CGNL1: variants seen among roughly 807,000 people sequenced by gnomAD.
CGNL1 encodes cingulin-like protein 1.
CGNL1 carries 132 observed loss-of-function variants against 141.2 expected under a neutral mutation model. The ratio of observed to expected loss-of-function variants is 0.93; its 90% CI spans 0.81 to 1.08. The LOEUF is 1.08. CGNL1 is among the 50% of genes least tolerant of loss of function. CGNL1 has a pLI of 0.00. For missense variants in CGNL1, 1,870 were observed against 1,588.6 expected, an observed-to-expected ratio of 1.18 and a Z score of -3.01; for synonymous variants, 690 against 622.1, an observed-to-expected ratio of 1.11 and a Z score of -1.63.
chr15:57,492,225 A>G (rs2063874949), intron 8 of CGNL1, among the ~76,000 whole-genome samples: 1 of 152,182 alleles, frequency 6.6e-6, no homozygotes, highest in South Asian at 2.1e-4. Flanking sequence ...TGGCAATAGG[A>G]GGCACATCTT....
chr15:57,423,728 C>T (rs1475296021), intron 1 of CGNL1, among the ~76,000 whole-genome samples: 4 of 152,198 alleles, frequency 2.6e-5, no homozygotes, highest in South Asian at 2.1e-4. Context: ...TCCCCCTGGT[C>T]GCTCCTTCTC....
intron 7 of CGNL1, 74 bp from the exon 8 acceptor site, chr15:57,461,606 C>G: frequency 7.8e-7 from 1 of 1,280,052 alleles, no homozygotes; most frequent in Non-Finnish European, 1.1e-6. Flanking sequence ...GGGGACTGAA[C>G]TGGAGGGGAG....
intron 2 of CGNL1, 21 bp from the exon 3 acceptor site, chr15:57,440,356 A>T: frequency 6.4e-7 from 1 of 1,571,066 alleles, no homozygotes; most frequent in Non-Finnish European, 8.7e-7. Flanking sequence ...TCATGGTCTA[A>T]CAACAGGCCT....
intron 1 of CGNL1, among the ~76,000 whole-genome samples, chr15:57,400,779 A>T (rs1788867514): frequency 1.3e-5 from 2 of 149,372 alleles, no homozygotes; most frequent in African/African-American, 4.9e-5. Flanking sequence ...GTTACTTGGG[A>T]GGCTGAGGCA....
chr15:57,498,164 C>T (rs2063968934), intron 8 of CGNL1, among the ~76,000 whole-genome samples: 1 of 151,760 alleles, frequency 6.6e-6, no homozygotes, highest in Non-Finnish European at 1.5e-5. Context: ...GGGTTCTTGT[C>T]TCCACTATAG....
At position 57,548,538 on chromosome 15, in the gene CGNL1, CT is replaced by C. The variant is rs1567183362; in HGVS notation, c.*1049del. ...GCCAGAAGGTTGCTTGTGTCTGTGACTGCAGCTATGGCCTTGTTTGCTTAGT... is the reference window on the plus strand; with the variant it reads ...GCCAGAAGGTTGCTTGTGTCTGTGACGCAGCTATGGCCTTGTTTGCTTAGT... On this transcript the variant is annotated 3_prime_UTR_variant, in exon 19 of 19. Transcript: ENST00000281282. 3.9e-5 allele frequency: 6 copies of C among 152,100 alleles called. No individual in the cohort carries two copies. 9.4% of individuals were successfully genotyped at this position (152,100 alleles called of 1,614,324 possible).
chr15:57,547,496 C>T lies in CGNL1; in HGVS notation c.*6C>T, dbSNP rs762964174. ...CCGTCGCCAGCCAGATCTGAGTGCT[C>T]TCCCGGGCTGTGGAAGTACCTGTCA... is the stretch of plus-strand genomic sequence containing the variant. On this transcript the variant is annotated 3_prime_UTR_variant, in exon 19 of 19. Coordinates refer to ENST00000281282, the MANE Select transcript of CGNL1 (RefSeq NM_032866.5). The T allele has an allele frequency of 1.1e-5, 17 of 1,611,620 alleles. No individual in the cohort carries two copies. The East Asian group carries it at 3.1e-4, about 30-fold the overall frequency.
rs77444898 is a variant in CGNL1 at position 57,504,624 on chromosome 15, G to A, written c.2404-12156G>A. Among the ~76,000 whole-genome samples the A allele has an allele frequency of 6.4e-3, 971 of 152,282 alleles. 15 individuals are homozygous for A. The highest frequency in any genetic ancestry group is 0.022 in the African/African-American group (915 of 41,538). Reference sequence around the variant, plus strand: ...ATCCAGTCATGGCAGGGTTGGAGTTGGTTGCTTTGTTCCTGAGTCCCCGGG... The same window carrying A: ...ATCCAGTCATGGCAGGGTTGGAGTTAGTTGCTTTGTTCCTGAGTCCCCGGG... On this transcript the variant is annotated intron_variant, in intron 8 of 18. Coordinates refer to ENST00000281282, the MANE Select transcript of CGNL1 (RefSeq NM_032866.5).
chr15:57,415,330 C>T (rs1032980816), intron 1 of CGNL1, among the ~76,000 whole-genome samples: 1 of 152,012 alleles, frequency 6.6e-6, no homozygotes, highest in Non-Finnish European at 1.5e-5. Context: ...AGGATAATCA[C>T]AAGAGTCCTT....
chr15:57,399,962 C>T (rs1245884407), intron 1 of CGNL1, among the ~76,000 whole-genome samples: 2 of 151,638 alleles, frequency 1.3e-5, no homozygotes, highest in East Asian at 3.9e-4. Context: ...TTGTTCCTAC[C>T]CTAAATAGCT....
intron 8 of CGNL1, among the ~76,000 whole-genome samples, chr15:57,472,623 T>C (rs1361844037): frequency 6.6e-6 from 1 of 152,164 alleles, no homozygotes. Context: ...ATTCTATTTT[T>C]AAAGGGATTA....
chr15:57,473,537 C>T (rs531995291), intron 8 of CGNL1, among the ~76,000 whole-genome samples: 3 of 152,200 alleles, frequency 2.0e-5, no homozygotes, highest in African/African-American at 4.8e-5. Flanking sequence ...CTTCCCATGT[C>T]GAAAAGGTCT....
chr15:57,512,271 T>C (rs2152401047), intron 8 of CGNL1, among the ~76,000 whole-genome samples: 1 of 152,150 alleles, frequency 6.6e-6, no homozygotes, highest in Non-Finnish European at 1.5e-5. Flanking sequence ...GAACAAAAGG[T>C]TAGGATTTTT....
intron 8 of CGNL1, among the ~76,000 whole-genome samples, chr15:57,480,833 A>G (rs1024325197): frequency 5.9e-5 from 9 of 152,330 alleles, no homozygotes; most frequent in African/African-American, 1.7e-4. Context: ...TTGGGGCATT[A>G]CTCAGTGGAT....
intron 1 of CGNL1, among the ~76,000 whole-genome samples, chr15:57,386,644 G>A (rs1489682628): frequency 1.3e-5 from 2 of 152,118 alleles, no homozygotes; most frequent in African/African-American, 4.8e-5. Context: ...CCCTGGGTTA[G>A]CTACTTCACC....
intron 1 of CGNL1, among the ~76,000 whole-genome samples, chr15:57,400,046 T>C (rs1595663012): frequency 6.6e-6 from 1 of 150,918 alleles, no homozygotes; most frequent in Non-Finnish European, 1.5e-5. Context: ...AAAGTGGTGG[T>C]GCAGTGGCAT....
At chr15:57,453,531 G>A in intron 6 of CGNL1, 152 bp from the exon 7 acceptor site, 2 of 895,018 alleles carry the variant, frequency 2.2e-6, no homozygotes, top group Non-Finnish European at 3.3e-6. Flanking sequence ...ACCTTTTCAG[G>A]TTGGTGATCC....
At position 57,537,763 on chromosome 15, in the gene CGNL1, A is replaced by G. The variant is rs147405871; in HGVS notation, c.3292-5933A>G. Among the ~76,000 whole-genome samples the G allele has an allele frequency of 4.1e-3, 632 of 152,314 alleles. 4 individuals are homozygous for G. The highest frequency in any genetic ancestry group is 0.015 in the African/African-American group (613 of 41,562). ...AAACCCACTGGAATCTGATACTGTG[A>G]TTTCTGATCAAAATGCTCAGGGCTT... On this transcript the variant is annotated intron_variant, in intron 14 of 18. Transcript: ENST00000281282.
chr15:57,393,759 C>T (rs1349941259), intron 1 of CGNL1, among the ~76,000 whole-genome samples: 1 of 152,006 alleles, frequency 6.6e-6, no homozygotes, highest in African/African-American at 2.4e-5. Flanking sequence ...TAGTATATAT[C>T]CTTATCTGCT....
Sources: gnomAD v4.1 joint callset for allele counts (sites outside exome capture counted in the v4.1 genomes callset) on GRCh38, gnomAD v4.1.1 for gene constraint, MANE v1.5 for transcripts, NCBI Gene and HGNC (gene_info 2026-07-23, HGNC 2026-07-21) for gene names.